TMEM117: variants seen among roughly 807,000 people sequenced by gnomAD.
TMEM117 encodes transmembrane protein 117.
In TMEM117, 27 loss-of-function variants were observed where a neutral mutation model predicts 52.4. The observed-to-expected ratio is 0.51, with a 90% CI of 0.38 to 0.71. TMEM117 has a LOEUF of 0.71. TMEM117 is among the 30% of genes least tolerant of loss of function. The probability of loss-of-function intolerance (pLI) is 0.00; values close to 1 mark genes in which losing one functional copy is unlikely to be tolerated. For missense variants in TMEM117, 556 were observed against 630.5 expected, an observed-to-expected ratio of 0.88 and a Z score of 1.26; for synonymous variants, 215 against 206.3, an observed-to-expected ratio of 1.04 and a Z score of -0.36.
At chr12:43,823,955 T>C in the TMEM117 span, among the ~76,000 whole-genome samples, 2 of 152,244 alleles carry the variant, frequency 1.3e-5, no homozygotes. Flanking sequence ...AACAATAGTT[T>C]GACAAATTAC....
chr12:43,871,312 C>T (rs1471539096), intron 2 of TMEM117, among the ~76,000 whole-genome samples: 3 of 152,104 alleles, frequency 2.0e-5, no homozygotes, highest in African/African-American at 7.2e-5. Flanking sequence ...CCATGTTGGT[C>T]AGGCTGGTCT....
chr12:44,194,000 A>G (rs1196791883), intron 4 of TMEM117, among the ~76,000 whole-genome samples: 2 of 152,222 alleles, frequency 1.3e-5, no homozygotes, highest in African/African-American at 4.8e-5. Context: ...CAAAGATTTT[A>G]ATTATTAGAA....
intron 5 of TMEM117, among the ~76,000 whole-genome samples, chr12:44,267,061 G>A (rs1950386940): frequency 6.6e-6 from 1 of 151,920 alleles, no homozygotes; most frequent in East Asian, 1.9e-4. Flanking sequence ...AAAGCAGCTG[G>A]GATTTTGGTA....
chr12:43,886,436 A>G (rs1274490378), intron 2 of TMEM117, among the ~76,000 whole-genome samples: 1 of 152,138 alleles, frequency 6.6e-6, no homozygotes, highest in Non-Finnish European at 1.5e-5. Context: ...AGATTTTATA[A>G]AAGATATTTC....
intron 2 of TMEM117, among the ~76,000 whole-genome samples, chr12:43,943,728 T>C (rs572822399): frequency 6.6e-6 from 1 of 152,270 alleles, no homozygotes; most frequent in South Asian, 2.1e-4. Flanking sequence ...TTCTTTCAAG[T>C]TTTCATGTAC....
chr12:44,118,857 G>A (rs893645096), intron 3 of TMEM117, among the ~76,000 whole-genome samples: 1 of 151,978 alleles, frequency 6.6e-6, no homozygotes, highest in Non-Finnish European at 1.5e-5. Flanking sequence ...AGGTTTATTT[G>A]CATCTCTGGT....
chr12:43,897,660 T>A (rs577099226), intron 2 of TMEM117, among the ~76,000 whole-genome samples: 19 of 152,146 alleles, frequency 1.2e-4, no homozygotes, highest in Non-Finnish European at 2.2e-4. Flanking sequence ...CAGGCTGGAG[T>A]GCAGTGGCAT....
At chr12:43,940,162 C>T (rs1471863263) in intron 2 of TMEM117, among the ~76,000 whole-genome samples, 1 of 152,174 alleles carries the variant, frequency 6.6e-6, no homozygotes, top group Non-Finnish European at 1.5e-5. Context: ...GAGGCTCTGC[C>T]ACCTTGGAGA....
intron 5 of TMEM117, among the ~76,000 whole-genome samples, chr12:44,282,984 G>C (rs1950596445): frequency 6.6e-6 from 1 of 152,270 alleles, no homozygotes; most frequent in African/African-American, 2.4e-5. Context: ...GTCCAGCTCA[G>C]GCTGTGGCTT....
chr12:44,303,300 C>T (rs567673055), intron 6 of TMEM117, among the ~76,000 whole-genome samples: 38 of 152,168 alleles, frequency 2.5e-4, no homozygotes, highest in East Asian at 1.7e-3. Context: ...CCGCCCACCT[C>T]GGCCTCCCAA....
intron 3 of TMEM117, among the ~76,000 whole-genome samples, chr12:44,107,086 T>A (rs769725719): frequency 2.6e-5 from 4 of 152,078 alleles, no homozygotes; most frequent in Non-Finnish European, 1.5e-5. Flanking sequence ...TATTGAGTAC[T>A]TAGTAGAGGT....
chr12:44,033,319 T>C (rs982538868), intron 3 of TMEM117, among the ~76,000 whole-genome samples: 3 of 152,144 alleles, frequency 2.0e-5, no homozygotes, highest in Non-Finnish European at 4.4e-5. Context: ...TGGGCTGCTC[T>C]GTCTATCGAG....
rs1303716836 is a variant in TMEM117, at chr12:44,388,664, A to C, written c.1537A>C (p.Thr513Pro). ...CCCAACGACTTCTAAAAGTACACCTACGAACTAGACTCGGAGATAGACTTG... is the reference window on the plus strand; with the variant it reads ...CCCAACGACTTCTAAAAGTACACCTCCGAACTAGACTCGGAGATAGACTTG... ...QDPTTSKSTP[T>P]N The change falls in exon 8 of 8, where the codon ACG becomes CCG. Residue 513 changes from threonine to proline, a missense_variant. Transcript: ENST00000266534. 3.7e-6 allele frequency: 6 copies of C among 1,612,526 alleles called. No homozygotes were observed. Among genetic ancestry groups the C allele is most frequent in the Non-Finnish European group, 5.1e-6 (6 of 1,179,046 alleles).
intron 4 of TMEM117, among the ~76,000 whole-genome samples, chr12:44,205,101 G>T (rs991703266): frequency 6.6e-6 from 1 of 152,084 alleles, no homozygotes; most frequent in Non-Finnish European, 1.5e-5. Flanking sequence ...TATCAATGGA[G>T]TAAATGAACA....
At chr12:44,114,519 G>A (rs879646756) in intron 3 of TMEM117, among the ~76,000 whole-genome samples, 1 of 152,182 alleles carries the variant, frequency 6.6e-6, no homozygotes. Flanking sequence ...CTGAGGAAAT[G>A]CCTAAATCAA....
chr12:44,363,411 A>G (rs1951748745), intron 6 of TMEM117, among the ~76,000 whole-genome samples: 1 of 152,204 alleles, frequency 6.6e-6, no homozygotes, highest in African/African-American at 2.4e-5. Flanking sequence ...AAAATATTTA[A>G]TCATATTAGT....
At chr12:43,805,890 G>A in the TMEM117 span, 3 of 1,459,650 alleles carry the variant, frequency 2.1e-6, no homozygotes, top group Non-Finnish European at 2.7e-6. Flanking sequence ...TCTTCCCTAC[G>A]TGACCAAAAG....
chr12:43,813,239 T>G, the TMEM117 span, among the ~76,000 whole-genome samples: 1 of 130,688 alleles, frequency 7.7e-6, no homozygotes, highest in African/African-American at 3.0e-5. Context: ...TTGTTTTTTT[T>G]TTTTTTTTTT....
At chr12:44,231,617 G>A (rs371980635) in intron 5 of TMEM117, among the ~76,000 whole-genome samples, 10 of 151,548 alleles carry the variant, frequency 6.6e-5, no homozygotes, top group Non-Finnish European at 1.2e-4. Flanking sequence ...TGTTCTACCC[G>A]TTTCCTTCAC....
Sources: gnomAD v4.1 joint callset for allele counts (sites outside exome capture counted in the v4.1 genomes callset) on GRCh38, gnomAD v4.1.1 for gene constraint, MANE v1.5 for transcripts, NCBI Gene and HGNC (gene_info 2026-07-23, HGNC 2026-07-21) for gene names.